The following TMEM163 variants were observed in gnomAD, a reference collection of about 807,000 sequenced individuals.
TMEM163 encodes transmembrane protein 163.
A neutral mutation model predicts 29.3 loss-of-function variants in TMEM163; 17 were observed. That is an observed-to-expected ratio of 0.58 (90% CI 0.40 to 0.87). TMEM163 has a LOEUF of 0.87. Ranked by LOEUF, TMEM163 falls within the 40% of genes least tolerant of loss-of-function variation. TMEM163 has a pLI of 0.00. For synonymous variants in TMEM163, 157 were observed against 160.6 expected, an observed-to-expected ratio of 0.98 and a Z score of 0.17; for missense variants, 303 against 381.5, an observed-to-expected ratio of 0.79 and a Z score of 1.71.
chr2:134,537,060 C>T (rs1272535813), intron 4 of TMEM163, among the ~76,000 whole-genome samples: 1 of 152,182 alleles, frequency 6.6e-6, no homozygotes, highest in Non-Finnish European at 1.5e-5. Context: ...GGGAAAGAAC[C>T]TTGGCCACTG....
At position 134,713,261 on chromosome 2, in the gene TMEM163, C is replaced by G; in HGVS notation, c.261G>C (p.Lys87Asn). 6.2e-7 allele frequency: 1 copy of G among 1,614,156 alleles called. No individual in the cohort carries two copies. Among genetic ancestry groups the G allele is most frequent in the Non-Finnish European group, 8.5e-7 (1 of 1,180,020 alleles). The change falls in exon 2 of 8, where the codon AAG (lysine) becomes AAC (asparagine). Residue 87 changes from lysine to asparagine, a missense_variant. Transcript: ENST00000281924. ...TGGAGAACCAGGACACCCACAATGC[C>G]TTCTTCCTGTAGTTCTGGGCTTCGT... ...KPHEAQNYRK[K>N]ALWVSWFSII...
At chr2:134,599,239 GC>G (rs1209744822) in intron 2 of TMEM163, among the ~76,000 whole-genome samples, 3 of 152,164 alleles carry the variant, frequency 2.0e-5, no homozygotes, top group Non-Finnish European at 4.4e-5. Flanking sequence ...TGCCATGGAA[GC>G]CCAGGAAAGG....
At chr2:134,535,839 C>T (rs1680526507) in intron 4 of TMEM163, among the ~76,000 whole-genome samples, 2 of 151,962 alleles carry the variant, frequency 1.3e-5, no homozygotes, top group African/African-American at 4.8e-5. Context: ...TATCTTGCCT[C>T]AGTTGCCTGA....
chr2:134,660,325 G>A (rs1263388956), intron 2 of TMEM163, among the ~76,000 whole-genome samples: 1 of 152,196 alleles, frequency 6.6e-6, no homozygotes, highest in Non-Finnish European at 1.5e-5. Flanking sequence ...CCTGGATGCA[G>A]GGCATGTAGG....
chr2:134,552,656 CTTT>C (rs35785546), intron 2 of TMEM163, among the ~76,000 whole-genome samples: 27 of 113,506 alleles, frequency 2.4e-4, no homozygotes, highest in African/African-American at 8.9e-4. Flanking sequence ...TATTTTGATC[CTTT>C]TTTTTTTTTT....
At chr2:134,644,219 T>C (rs980097388) in intron 2 of TMEM163, among the ~76,000 whole-genome samples, 4 of 152,130 alleles carry the variant, frequency 2.6e-5, no homozygotes, top group African/African-American at 7.2e-5. Flanking sequence ...GAAAAGGCCA[T>C]TGAATTCCAG....
chr2:134,463,284 C>G (rs1686592908), intron 6 of TMEM163, among the ~76,000 whole-genome samples: 1 of 152,210 alleles, frequency 6.6e-6, no homozygotes, highest in Non-Finnish European at 1.5e-5. Context: ...TGGCCAGGGC[C>G]CACTCATCCC....
At chr2:134,539,108 T>A (rs1680604419) in intron 4 of TMEM163, among the ~76,000 whole-genome samples, 1 of 152,140 alleles carries the variant, frequency 6.6e-6, no homozygotes, top group African/African-American at 2.4e-5. Context: ...TACCAAGCAA[T>A]GTTATTATCT....
chr2:134,649,427 C>G (rs1028138910), intron 2 of TMEM163, among the ~76,000 whole-genome samples: 28 of 152,160 alleles, frequency 1.8e-4, no homozygotes, highest in Admixed American at 1.8e-3. Context: ...ATCCCTTTTG[C>G]AAACAATAGT....
intron 2 of TMEM163, among the ~76,000 whole-genome samples, chr2:134,656,425 C>A (rs1440346950): frequency 6.6e-6 from 1 of 151,878 alleles, no homozygotes; most frequent in Non-Finnish European, 1.5e-5. Context: ...GTGCACGCAC[C>A]CACTGGCCTG....
chr2:134,505,586 A>G (rs1679805249), intron 4 of TMEM163, among the ~76,000 whole-genome samples: 1 of 152,062 alleles, frequency 6.6e-6, no homozygotes. Flanking sequence ...GGCAGCCACA[A>G]CTTGCGTGCT....
chr2:134,511,424 T>G (rs1292567188), intron 4 of TMEM163, among the ~76,000 whole-genome samples: 1 of 152,224 alleles, frequency 6.6e-6, no homozygotes, highest in Non-Finnish European at 1.5e-5. Context: ...AGGGCACCAC[T>G]GGAGGACTCT....
At chr2:134,525,366 C>T (rs928104156) in intron 4 of TMEM163, among the ~76,000 whole-genome samples, 13 of 152,136 alleles carry the variant, frequency 8.5e-5, no homozygotes, top group African/African-American at 2.2e-4. Flanking sequence ...AGCAGCACCG[C>T]GTTAAATGAT....
chr2:134,663,260 A>G (rs1683797526), intron 2 of TMEM163, among the ~76,000 whole-genome samples: 1 of 152,254 alleles, frequency 6.6e-6, no homozygotes, highest in Non-Finnish European at 1.5e-5. Context: ...AAGGCAGCTC[A>G]GGCTGGTTTC....
intron 1 of TMEM163, chr2:134,713,667 C>T (rs1684976276): frequency 2.1e-6 from 1 of 474,970 alleles, no homozygotes; most frequent in Non-Finnish European, 4.2e-6. Context: ...GATGCTGTTC[C>T]TGCCCACAAG....
chr2:134,553,943 C>T (rs934024523), intron 2 of TMEM163, among the ~76,000 whole-genome samples: 13 of 152,358 alleles, frequency 8.5e-5, no homozygotes, highest in African/African-American at 2.6e-4. Context: ...ACAGCACGTG[C>T]TCCATAACTG....
At chr2:134,641,987 G>C (rs1014919273) in intron 2 of TMEM163, among the ~76,000 whole-genome samples, 2 of 152,080 alleles carry the variant, frequency 1.3e-5, no homozygotes, top group Admixed American at 6.5e-5. Flanking sequence ...AGGATACAGA[G>C]AGACATTACA....
At chr2:134,555,206 T>A (rs1254300857) in intron 2 of TMEM163, among the ~76,000 whole-genome samples, 1 of 152,322 alleles carries the variant, frequency 6.6e-6, no homozygotes, top group East Asian at 1.9e-4. Flanking sequence ...CCATGACACA[T>A]CCCAATTTTG....
At chr2:134,473,767 G>A (rs1467474441) in intron 5 of TMEM163, among the ~76,000 whole-genome samples, 1 of 152,124 alleles carries the variant, frequency 6.6e-6, no homozygotes, top group Non-Finnish European at 1.5e-5. Context: ...CCAACTTGAT[G>A]CCAATAAATT....
Sources: allele counts gnomAD v4.1 joint callset (sites outside exome capture counted in the v4.1 genomes callset), GRCh38; gene constraint gnomAD v4.1.1; transcripts MANE v1.5; gene names NCBI Gene and HGNC (gene_info 2026-07-23, HGNC 2026-07-21).